The following DYNLT2 variants were observed in gnomAD, a reference collection of about 807,000 sequenced individuals.
DYNLT2 encodes dynein light chain Tctex-type 2.
Under a neutral mutation model 24.3 loss-of-function variants are expected in DYNLT2, and 24 were observed. The observed-to-expected ratio is 0.99, with a 90% CI of 0.71 to 1.39. DYNLT2 has a LOEUF of 1.39. Among genes scored for constraint, DYNLT2 ranks in the 40% most tolerant of loss-of-function variants. DYNLT2 has a pLI of 0.00. For missense variants in DYNLT2, 246 were observed against 234.5 expected (o/e 1.05, Z -0.32); for synonymous variants, 85 against 85.4 (o/e 1.00, Z 0.03).
At chr6:169,744,311 G>A in intron 1 of DYNLT2, 37 bp from the exon 2 acceptor site, 1 of 1,559,280 alleles carries the variant, frequency 6.4e-7, no homozygotes, top group Middle Eastern at 1.7e-4. Flanking sequence ...GAGAAAGGCA[G>A]AAAGATTACT....
At chr6:169,730,227 GGATGTT>G in the DYNLT2 span, among the ~76,000 whole-genome samples, 2 of 152,188 alleles carry the variant, frequency 1.3e-5, no homozygotes, top group Non-Finnish European at 2.9e-5. Context: ...TCATCTATGT[GGATGTT>G]GAAGTCCCAA....
chr6:169,737,961 G>A (rs1471572528), downstream of DYNLT2, among the ~76,000 whole-genome samples: 1 of 152,140 alleles, frequency 6.6e-6, no homozygotes. Flanking sequence ...TCCCACTAGG[G>A]TCTCAGGCCC....
downstream of DYNLT2, among the ~76,000 whole-genome samples, chr6:169,735,648 CTGTT>C (rs534573285): frequency 2.0e-4 from 31 of 152,234 alleles, no homozygotes; most frequent in South Asian, 3.9e-3. Flanking sequence ...GTCTGAAAGA[CTGTT>C]TGTTATGATT....
chr6:169,725,524 C>G, the DYNLT2 span: 3 of 393,962 alleles, frequency 7.6e-6, no homozygotes, highest in Non-Finnish European at 1.3e-5. Context: ...TTGCCTCTGT[C>G]CCACCACGTG....
At chr6:169,730,830 G>A in the DYNLT2 span, among the ~76,000 whole-genome samples, 2 of 152,204 alleles carry the variant, frequency 1.3e-5, no homozygotes, top group South Asian at 4.1e-4. Context: ...CCTGGGAGGT[G>A]GAGCTTGCAG....
downstream of DYNLT2, among the ~76,000 whole-genome samples, chr6:169,736,155 C>A (rs1243814777): frequency 7.3e-6 from 1 of 137,346 alleles, no homozygotes; most frequent in African/African-American, 2.8e-5. Flanking sequence ...TTTTTTTTTG[C>A]TTTCCATTTG....
At chr6:169,750,458 A>G (rs376295913) in intron 1 of DYNLT2, 3 of 152,356 alleles carry the variant, frequency 2.0e-5, no homozygotes, top group South Asian at 2.1e-4. Flanking sequence ...CAAGAACCTG[A>G]AATTTCGCCA....
At chr6:169,749,531 A>G (rs544881469) in intron 1 of DYNLT2, 49 of 152,362 alleles carry the variant, frequency 3.2e-4, no homozygotes, top group African/African-American at 1.2e-3. Flanking sequence ...AGTATAATTT[A>G]TTGGAAAGAT....
the DYNLT2 span, among the ~76,000 whole-genome samples, chr6:169,730,354 G>A: frequency 6.6e-6 from 1 of 152,156 alleles, no homozygotes; most frequent in Non-Finnish European, 1.5e-5. Context: ...AAATCAACAG[G>A]TAAAAGATTA....
chr6:169,739,357 CT>C (rs1474561224), downstream of DYNLT2, among the ~76,000 whole-genome samples: 1 of 151,994 alleles, frequency 6.6e-6, no homozygotes, highest in Non-Finnish European at 1.5e-5. Flanking sequence ...AATAGCCACA[CT>C]TTTCACATGA....
the DYNLT2 span, chr6:169,725,861 G>A: frequency 6.6e-6 from 1 of 152,346 alleles, no homozygotes; most frequent in Non-Finnish European, 1.5e-5. Context: ...ACAAAAAAAT[G>A]CTTCAAGGAC....
the DYNLT2 span, chr6:169,725,942 ATAAT>A: frequency 6.6e-6 from 1 of 152,256 alleles, no homozygotes; most frequent in Non-Finnish European, 1.5e-5. Context: ...GTAGCCAAGG[ATAAT>A]TGTTTCAAAA....
At chr6:169,734,351 T>G in the DYNLT2 span, among the ~76,000 whole-genome samples, 9 of 152,348 alleles carry the variant, frequency 5.9e-5, no homozygotes, top group East Asian at 1.7e-3. Flanking sequence ...AGGGCATCCT[T>G]GTCTTGTACT....
the DYNLT2 span, among the ~76,000 whole-genome samples, chr6:169,729,068 T>C: frequency 6.6e-6 from 1 of 152,228 alleles, no homozygotes; most frequent in Admixed American, 6.5e-5. Flanking sequence ...AATTATCATT[T>C]TCTTTCAACA....
chr6:169,744,617 G>A (rs966193746), intron 1 of DYNLT2, among the ~76,000 whole-genome samples: 10 of 152,172 alleles, frequency 6.6e-5, no homozygotes, highest in Non-Finnish European at 1.5e-4. Context: ...CTATGGGATG[G>A]AGATATAGGG....
chr6:169,743,636 A>G (rs193048516), intron 2 of DYNLT2, among the ~76,000 whole-genome samples: 3 of 152,318 alleles, frequency 2.0e-5, no homozygotes, highest in Admixed American at 6.5e-5. Flanking sequence ...CTTATACTGA[A>G]GATTACTTGG....
chr6:169,750,560 TTA>T (rs1789969613), intron 1 of DYNLT2: 1 of 152,200 alleles, frequency 6.6e-6, no homozygotes, highest in Non-Finnish European at 1.5e-5. Flanking sequence ...CTTCATCCTA[TTA>T]TAGGTCCACG....
At chr6:169,749,210 G>A (rs143985021) in intron 1 of DYNLT2, among the ~76,000 whole-genome samples, 1,865 of 151,912 alleles carry the variant, frequency 0.012, 31 homozygotes, top group African/African-American at 0.025. Flanking sequence ...AGCAATTCTC[G>A]TGCCTCAGCC....
chr6:169,747,291 C>A (rs931470792), intron 1 of DYNLT2, among the ~76,000 whole-genome samples: 1 of 151,914 alleles, frequency 6.6e-6, no homozygotes, highest in African/African-American at 2.4e-5. Context: ...GCATAATTTT[C>A]TTCATGTGTC....
Sources: allele counts gnomAD v4.1 joint callset (sites outside exome capture counted in the v4.1 genomes callset), GRCh38; gene constraint gnomAD v4.1.1; transcripts MANE v1.5; gene names NCBI Gene and HGNC (gene_info 2026-07-23, HGNC 2026-07-21).